The following INTS2 variants were observed in gnomAD, a reference collection of about 807,000 sequenced individuals.
The protein encoded by INTS2 is KIAA1287.
In INTS2, 57 loss-of-function variants were observed where a neutral mutation model predicts 139.6. That is an observed-to-expected ratio of 0.41 (90% confidence interval 0.33 to 0.51). The LOEUF (loss-of-function observed/expected upper bound fraction) is 0.51, where lower values mean the gene tolerates loss of function less well. Ranked by LOEUF, INTS2 falls within the 20% of genes least tolerant of loss-of-function variation. The probability of loss-of-function intolerance (pLI) is 0.28; values close to 1 mark genes in which losing one functional copy is unlikely to be tolerated. For synonymous variants in INTS2, 473 were observed against 493.4 expected (o/e 0.96, Z 0.55); for missense variants, 1,196 against 1,436.7 (o/e 0.83, Z 2.71).
intron 8 of INTS2, among the ~76,000 whole-genome samples, chr17:61,906,335 A>G (rs368205170): frequency 2.9e-4 from 44 of 152,344 alleles, no homozygotes; most frequent in African/African-American, 9.4e-4. Context: ...CAAGCATTTC[A>G]GATAAGGGAT....
chr17:61,911,374 T>G, intron 7 of INTS2, 146 bp downstream of exon 7: 3 of 570,976 alleles, frequency 5.3e-6, no homozygotes, highest in Non-Finnish European at 8.5e-6. Flanking sequence ...GTATCCTTAG[T>G]GATTTTTTAA....
In INTS2 at chr17:61,869,203, A is replaced by C. The variant is rs2079069798; in HGVS notation, c.3139-64T>G. The C allele has an allele frequency of 6.8e-7, 1 of 1,468,366 alleles. No individual in the cohort carries two copies. Among genetic ancestry groups the C allele is most frequent in the Admixed American group, 1.7e-5 (1 of 57,182 alleles). The allele number at this position is 1,468,366 out of a possible 1,614,324, so 91.0% of individuals were successfully genotyped here. The stretch of plus-strand genomic sequence containing the variant: ...ATATCTTTAGGTATTAAAAATTATA[A>C]AATGTTTTGTATAACTAGTAAGACT... On this transcript the variant is annotated intron_variant, in intron 22 of 24. Coordinates refer to ENST00000251334, the MANE Select transcript of INTS2 (RefSeq NM_001351695.2). This position sits in a 1 kb window ranked among gnomAD's most constrained non-coding sequence, Gnocchi z 5.4.
intron 15 of INTS2, among the ~76,000 whole-genome samples, chr17:61,886,096 G>T (rs1212399054): frequency 2.0e-5 from 3 of 151,856 alleles, no homozygotes; most frequent in African/African-American, 7.3e-5. Context: ...TGTCACCCAG[G>T]CTGGTATGCA....
chr17:61,878,150 T>C (rs889399103), intron 17 of INTS2, 62 bp from the exon 18 acceptor site: 2 of 1,011,872 alleles, frequency 2.0e-6, no homozygotes, highest in Non-Finnish European at 3.1e-6. Context: ...CAGGAAGTAG[T>C]AGTGTTCTCT....
chr17:61,885,111 C>A, intron 15 of INTS2, 106 bp from the exon 16 acceptor site: 1 of 718,398 alleles, frequency 1.4e-6, no homozygotes, highest in Non-Finnish European at 2.3e-6. Context: ...ACTTTTAATG[C>A]AATTAACCTG....
At position 61,871,414 on chromosome 17, in the gene INTS2, G is replaced by C. The variant is rs2079087740; in HGVS notation, c.2778+851C>G. Among the ~76,000 whole-genome samples the C allele has an allele frequency of 6.6e-6, 1 of 152,054 alleles. No individual in the cohort carries two copies. Among genetic ancestry groups the C allele is most frequent in the South Asian group, 2.1e-4 (1 of 4,822 alleles). Reference sequence around the variant, plus strand: ...TGGGATTATAGGCATGAGCAACCATGCCTGGCCAAAAAACTTTTCTAAATA... The same window carrying C: ...TGGGATTATAGGCATGAGCAACCATCCCTGGCCAAAAAACTTTTCTAAATA... On this transcript the variant is annotated intron_variant, in intron 20 of 24. Transcript: ENST00000251334. The surrounding 1 kb of genome is among the most constrained non-coding windows in gnomAD (Gnocchi z 4.9).
In INTS2 at chr17:61,866,375, A is replaced by G. The variant is rs896026603; in HGVS notation, c.*1182T>C. 4 of 151,754 alleles carry G rather than the reference A, an allele frequency of 2.6e-5. No homozygotes were observed. The highest frequency in any genetic ancestry group is 9.7e-5 in the African/African-American group (4 of 41,322). 9.4% of individuals were successfully genotyped at this position (151,754 alleles called of 1,614,324 possible). A position where few individuals can be genotyped will look rare whatever the true frequency, so the allele number is the denominator to read the frequency against. ...CCACCTCAGGAAAAAAAAAAAAAAA[A>G]CACAAGTGAAGAGGTCTGTTTCAAG... On this transcript the variant is annotated 3_prime_UTR_variant, in exon 25 of 25. Transcript: ENST00000251334.
Position 61,907,456 on chromosome 17 carries a change from C to G in INTS2, c.1133G>C (p.Ser378Thr). ...GLKEEHVVKA[S>T]ALLRLYCALM... Reference sequence around the variant, plus strand: ...AGCACAGTACAGACGTAAGAGTGCACTGGCTTTCACAACATGCTCTTCTTT... The same window carrying G: ...AGCACAGTACAGACGTAAGAGTGCAGTGGCTTTCACAACATGCTCTTCTTT... Residue 378 changes from serine to threonine, a missense_variant, in exon 8 of 25, where the codon AGT (serine) becomes ACT (threonine). Ser to Thr is a moderately conservative substitution (Grantham distance 58, BLOSUM62 1). Around this residue, in one of 3 missense-constraint regions of INTS2, gnomAD observed 1,129 missense variants for 1,341.9 expected, o/e 0.84. Transcript: ENST00000251334. The G allele has an allele frequency of 1.2e-6, 2 of 1,601,344 alleles. No individual in the cohort carries two copies.
At position 61,909,893 on chromosome 17, in the gene INTS2, G is replaced by A. The variant is rs948791212; in HGVS notation, c.954+1627C>T. 6.6e-6 allele frequency among the ~76,000 whole-genome samples: 1 copy of A among 150,862 alleles called. No individual in the cohort carries two copies. The highest frequency in any genetic ancestry group is 1.5e-5 in the Non-Finnish European group (1 of 67,792). On this transcript the variant is annotated intron_variant, in intron 7 of 24. Coordinates refer to ENST00000251334, the MANE Select transcript of INTS2 (RefSeq NM_001351695.2). This position sits in a 1 kb window ranked among gnomAD's most constrained non-coding sequence, Gnocchi z 4.9. ...TCACATTTTCTTTAAGCAACCATCCGTTGATAGATGCTTAGGTTGATTCCA... is the reference window on the plus strand; with the variant it reads ...TCACATTTTCTTTAAGCAACCATCCATTGATAGATGCTTAGGTTGATTCCA...
At chr17:61,906,542 G>C (rs745770056) in intron 8 of INTS2, among the ~76,000 whole-genome samples, 11 of 152,126 alleles carry the variant, frequency 7.2e-5, no homozygotes, top group Non-Finnish European at 1.2e-4. Flanking sequence ...ATGTATCATG[G>C]CAACTGAAAT....
At position 61,872,274 on chromosome 17, in the gene INTS2, C is replaced by T; in HGVS notation, c.2769G>A (p.Leu923=). Residue 923 remains leucine (L), a synonymous_variant, in exon 20 of 25, where the codon CTG becomes CTA. Coordinates refer to ENST00000251334, the MANE Select transcript of INTS2 (RefSeq NM_001351695.2). This position sits in a 1 kb window ranked among gnomAD's most constrained non-coding sequence, Gnocchi z 4.8. ...CTTTAGCAAAATTTACCTGAGCGGCCAGTAATGCATTTTTCAATTCTTCCC... is the reference window on the plus strand; with the variant it reads ...CTTTAGCAAAATTTACCTGAGCGGCTAGTAATGCATTTTTCAATTCTTCCC... ...VTREELKNAL[L]AAQDSAAVQI... is the part of the protein sequence containing the mutation. 1 of 1,607,152 alleles carries T rather than the reference C, an allele frequency of 6.2e-7. No homozygotes were observed. Among genetic ancestry groups the T allele is most frequent in the Middle Eastern group, 1.7e-4 (1 of 6,020 alleles).
chr17:61,925,165 A>G, intron 2 of INTS2, 66 bp from the exon 3 acceptor site: 1 of 1,407,630 alleles, frequency 7.1e-7, no homozygotes, highest in South Asian at 1.2e-5. Context: ...CATAAAAATT[A>G]TCTTTTATTG....
intron 2 of INTS2, among the ~76,000 whole-genome samples, chr17:61,925,496 G>T (rs1230676631): frequency 2.0e-5 from 3 of 151,968 alleles, no homozygotes; most frequent in Non-Finnish European, 4.4e-5. Context: ...AGAATCACTT[G>T]AACCCAGGAG....
rs1352848832 is a variant in INTS2, at chr17:61,882,054, C to T, written c.2090-883G>A. On this transcript the variant is annotated intron_variant, in intron 16 of 24. Coordinates refer to ENST00000251334, the MANE Select transcript of INTS2 (RefSeq NM_001351695.2). The surrounding 1 kb of genome is among the most constrained non-coding windows in gnomAD (Gnocchi z 4.7). ...TAGAGAACATGCCCTTTCCTCCAACCCTGTTGAGAATCATCACTATAGATA... is the reference window on the plus strand; with the variant it reads ...TAGAGAACATGCCCTTTCCTCCAACTCTGTTGAGAATCATCACTATAGATA... Among the ~76,000 whole-genome samples the T allele has an allele frequency of 6.6e-6, 1 of 152,114 alleles. No homozygotes were observed. Among genetic ancestry groups the T allele is most frequent in the East Asian group, 1.9e-4 (1 of 5,196 alleles).
At chr17:61,912,169 C>A in intron 5 of INTS2, 99 bp from the exon 6 acceptor site, 1 of 1,317,116 alleles carries the variant, frequency 7.6e-7, no homozygotes, top group Non-Finnish European at 1.0e-6. Context: ...GAAAGCACAA[C>A]AACAGAAATT....
rs55751869 is a variant in INTS2 at position 61,901,577 on chromosome 17, C to CTTT, written c.1307+2880_1307+2882dup. Among the ~76,000 whole-genome samples the CTTT allele has an allele frequency of 4.2e-4, 21 of 49,456 alleles. 4 individuals carry two copies. Among genetic ancestry groups the CTTT allele is most frequent in the East Asian group, 5.2e-4 (1 of 1,916 alleles). The allele number at this position is 49,456 out of a possible 152,430, so 32.4% of individuals were successfully genotyped here. A position where few individuals can be genotyped will look rare whatever the true frequency, so the allele number is the denominator to read the frequency against. ...CAAATCCTAAAAGGCAGAATGATTT[C>CTTT]TTTTTTTTTTTTTTTTTTTTTTTTT... On this transcript the variant is annotated intron_variant, in intron 9 of 24. Transcript: ENST00000251334.
In INTS2 at chr17:61,882,574, C is replaced by A. The variant is rs2079187182; in HGVS notation, c.2090-1403G>T. ...GGAAATCCTGTCTCTACTAAAAATA[C>A]AAAAATTAGCCAGGCGTGGTGGCAC... On this transcript the variant is annotated intron_variant, in intron 16 of 24. Transcript: ENST00000251334. The surrounding 1 kb of genome is among the most constrained non-coding windows in gnomAD (Gnocchi z 4.7). Among the ~76,000 whole-genome samples the A allele has an allele frequency of 2.0e-5, 3 of 152,102 alleles. No individual in the cohort carries two copies. The South Asian group carries it at 6.2e-4, about 32-fold the overall frequency.
intron 2 of INTS2, 33 bp from the exon 3 acceptor site, chr17:61,925,132 A>C: frequency 3.2e-6 from 5 of 1,585,406 alleles, no homozygotes; most frequent in Non-Finnish European, 4.3e-6. Context: ...ACAATTATGA[A>C]AACACTGATA....
chr17:61,888,573 G>GTGTGTC (rs2079254690), intron 15 of INTS2, among the ~76,000 whole-genome samples: 2 of 151,890 alleles, frequency 1.3e-5, no homozygotes, highest in African/African-American at 4.8e-5. Context: ...GCGTGTGTGT[G>GTGTGTC]TGTGTGTGTG....
Sources: gnomAD v4.1 joint callset for allele counts (sites outside exome capture counted in the v4.1 genomes callset) on GRCh38, gnomAD v4.1.1 for gene constraint, gnomAD v4.1.1 regional missense constraint, Gnocchi (gnomAD v3.1) non-coding constraint, MANE v1.5 for transcripts, NCBI Gene and HGNC (gene_info 2026-07-23, HGNC 2026-07-21) for gene names.